Variants in TACR3 observed in about 807,000 individuals in gnomAD.
The protein encoded by TACR3 is tachykinin receptor 3, also known as neuromedin-K receptor.
Under a neutral mutation model 35.0 loss-of-function variants are expected in TACR3, and 34 were observed. The observed-to-expected ratio is 0.97, with a 90% CI of 0.74 to 1.30. TACR3 has a LOEUF of 1.30. Ranked by LOEUF, TACR3 falls within the 50% of genes most tolerant of loss-of-function variation. The pLI, the probability that TACR3 is intolerant of heterozygous loss-of-function variation, is 0.00. For missense variants in TACR3, 558 were observed against 591.7 expected, an observed-to-expected ratio of 0.94 and a Z score of 0.59; for synonymous variants, 233 against 221.1, an observed-to-expected ratio of 1.05 and a Z score of -0.48.
intron 3 of TACR3, among the ~76,000 whole-genome samples, chr4:103,629,848 A>AAAG: frequency 8.8e-6 from 1 of 113,404 alleles, no homozygotes; most frequent in Non-Finnish European, 1.8e-5. Context: ...TCCTAAGCAA[A>AAAG]ACAAAAAAAA....
chr4:103,633,714 T>C (rs1725118880), intron 3 of TACR3, among the ~76,000 whole-genome samples: 1 of 152,108 alleles, frequency 6.6e-6, no homozygotes. Flanking sequence ...TCTAACCTTA[T>C]CCAGGTCATT....
intron 2 of TACR3, among the ~76,000 whole-genome samples, chr4:103,656,852 A>G (rs1213960829): frequency 1.3e-5 from 2 of 152,136 alleles, no homozygotes; most frequent in Non-Finnish European, 2.9e-5. Flanking sequence ...AGCCATAATT[A>G]ATCCACAAGT....
chr4:103,667,214 C>T (rs556589874), intron 1 of TACR3, among the ~76,000 whole-genome samples: 8 of 152,152 alleles, frequency 5.3e-5, no homozygotes, highest in East Asian at 1.9e-4. Flanking sequence ...GTCAAGATCG[C>T]GCCATTGCAT....
intron 1 of TACR3, among the ~76,000 whole-genome samples, chr4:103,674,804 C>G (rs1449390761): frequency 6.6e-6 from 1 of 152,186 alleles, no homozygotes; most frequent in Non-Finnish European, 1.5e-5. Context: ...CCTGCCTCGG[C>G]CTTCCAAAGT....
At chr4:103,622,489 T>C (rs1340528306) in intron 3 of TACR3, among the ~76,000 whole-genome samples, 2 of 152,066 alleles carry the variant, frequency 1.3e-5, no homozygotes, top group African/African-American at 2.4e-5. Context: ...CCCAGCAGTT[T>C]GGGAGGCTGA....
chr4:103,675,493 C>T (rs946587000), intron 1 of TACR3, among the ~76,000 whole-genome samples: 4 of 152,126 alleles, frequency 2.6e-5, no homozygotes, highest in African/African-American at 9.7e-5. Flanking sequence ...ATGAAGAGGA[C>T]ATTTACAAAG....
intron 1 of TACR3, among the ~76,000 whole-genome samples, chr4:103,687,378 T>A (rs1333667003): frequency 6.6e-6 from 1 of 152,052 alleles, no homozygotes; most frequent in Non-Finnish European, 1.5e-5. Context: ...TTCAACATAG[T>A]GTTGGAAGTT....
chr4:103,694,689 A>C (rs2110218993), intron 1 of TACR3, among the ~76,000 whole-genome samples: 1 of 152,306 alleles, frequency 6.6e-6, no homozygotes, highest in East Asian at 1.9e-4. Flanking sequence ...AAAGAAGTTC[A>C]TGTGTAATGA....
intron 3 of TACR3, among the ~76,000 whole-genome samples, chr4:103,619,327 T>C (rs919672295): frequency 9.9e-5 from 15 of 152,088 alleles, no homozygotes; most frequent in Non-Finnish European, 2.1e-4. Flanking sequence ...GTAGCTGGGA[T>C]TGCAGACACC....
intron 1 of TACR3, among the ~76,000 whole-genome samples, chr4:103,711,730 T>C (rs1722967729): frequency 1.3e-5 from 2 of 152,156 alleles, no homozygotes; most frequent in Admixed American, 1.3e-4. Flanking sequence ...GACATGATTG[T>C]ATATCTAGAA....
At chr4:103,694,207 C>CTT (rs1722472478) in intron 1 of TACR3, among the ~76,000 whole-genome samples, 5 of 151,450 alleles carry the variant, frequency 3.3e-5, no homozygotes, top group African/African-American at 1.2e-4. Flanking sequence ...CCACCATACA[C>CTT]TTCCTTACAC....
At chr4:103,606,600 G>T (rs954249050) in intron 3 of TACR3, among the ~76,000 whole-genome samples, 1 of 152,166 alleles carries the variant, frequency 6.6e-6, no homozygotes, top group African/African-American at 2.4e-5. Flanking sequence ...GTGAATGGGA[G>T]TTCACTCATG....
At chr4:103,698,626 C>G (rs1477750618) in intron 1 of TACR3, among the ~76,000 whole-genome samples, 1 of 151,474 alleles carries the variant, frequency 6.6e-6, no homozygotes, top group Non-Finnish European at 1.5e-5. Flanking sequence ...ATAAGCCAGG[C>G]ACAGAAAAGA....
At chr4:103,640,816 C>T (rs1397954005) in intron 3 of TACR3, among the ~76,000 whole-genome samples, 2 of 151,738 alleles carry the variant, frequency 1.3e-5, no homozygotes, top group African/African-American at 4.8e-5. Flanking sequence ...CAAGACAATT[C>T]TTTTTCTTCC....
chr4:103,680,933 TAGG>T (rs1225150187), intron 1 of TACR3, among the ~76,000 whole-genome samples: 5 of 151,940 alleles, frequency 3.3e-5, no homozygotes, highest in Non-Finnish European at 7.4e-5. Flanking sequence ...ACTCTAATTA[TAGG>T]AGTAGTTTTA....
In TACR3 at chr4:103,691,914, G is replaced by A. The variant is rs1722411561; in HGVS notation, c.548+27214C>T. 2.0e-5 allele frequency among the ~76,000 whole-genome samples: 3 copies of A among 152,130 alleles called. No individual in the cohort carries two copies. The South Asian group carries it at 6.2e-4, about 32-fold the overall frequency. ...GAATATCTATAGAAACAATGCTAAT[G>A]ACTGGCTTGCTGTTAATAAATATGT... On this transcript the variant is annotated intron_variant, in intron 1 of 4. Coordinates refer to ENST00000304883, the MANE Select transcript of TACR3 (RefSeq NM_001059.3).
rs540336265 is a variant in TACR3, at chr4:103,604,281, C to A, written c.889-12598G>T. On this transcript the variant is annotated intron_variant, in intron 3 of 4. Transcript: ENST00000304883. ...CTTTGACAAACCTGACAAAAACAATCAATGGGGAAAGGATTCCCTATTTAA... is the reference window on the plus strand; with the variant it reads ...CTTTGACAAACCTGACAAAAACAATAAATGGGGAAAGGATTCCCTATTTAA... 4.6e-5 allele frequency among the ~76,000 whole-genome samples: 7 copies of A among 152,190 alleles called. No homozygotes were observed. The South Asian group carries it at 1.5e-3, about 32-fold the overall frequency.
intron 1 of TACR3, among the ~76,000 whole-genome samples, chr4:103,707,130 C>A (rs946664508): frequency 6.6e-6 from 1 of 152,198 alleles, no homozygotes; most frequent in Admixed American, 6.5e-5. Flanking sequence ...GCATTTATGA[C>A]AGTGTATTTG....
intron 3 of TACR3, among the ~76,000 whole-genome samples, chr4:103,621,133 C>A (rs542270087): frequency 6.6e-6 from 1 of 152,254 alleles, no homozygotes; most frequent in East Asian, 1.9e-4. Flanking sequence ...ATGTGAAACA[C>A]TGAGGAAGTG....
Sources: allele counts gnomAD v4.1 joint callset (sites outside exome capture counted in the v4.1 genomes callset), GRCh38; gene constraint gnomAD v4.1.1; transcripts MANE v1.5; gene names NCBI Gene and HGNC (gene_info 2026-07-23, HGNC 2026-07-21).